The following CCDC172 variants were observed in gnomAD, a reference collection of about 807,000 sequenced individuals.
The protein encoded by CCDC172 is coiled-coil domain containing 172.
A neutral mutation model predicts 38.0 loss-of-function variants in CCDC172; 30 were observed. The ratio of observed to expected loss-of-function variants is 0.79; its 90% confidence interval spans 0.59 to 1.07. CCDC172 has a LOEUF of 1.07. Ranked by LOEUF, CCDC172 falls within the 50% of genes least tolerant of loss-of-function variation. The pLI is 0.00. For synonymous variants in CCDC172, 78 were observed against 88.3 expected (o/e 0.88, Z 0.66); for missense variants, 297 against 290.1 (o/e 1.02, Z -0.17).
downstream of CCDC172, chr10:116,380,029 AC>A (rs1299349014): frequency 6.6e-6 from 1 of 152,058 alleles, no homozygotes; most frequent in Non-Finnish European, 1.5e-5. Flanking sequence ...TTTGTAAATT[AC>A]CCAGTCTCAT....
In CCDC172 at chr10:116,357,928, G is replaced by A; in HGVS notation, c.643G>A (p.Glu215Lys). 1 of 1,564,060 alleles carries A rather than the reference G, an allele frequency of 6.4e-7. No homozygotes were observed. The highest frequency in any genetic ancestry group is 8.7e-7 in the Non-Finnish European group (1 of 1,146,590). ...KISEKPQNDT[E>K]CLRLKKELEL... is the part of the protein sequence containing the mutation. ...CAGTGAAAAGCCTCAAAATGATACA[G>A]AATGCTTAAGGTAAGAGTTTCCTGT... The change falls in exon 7 of 9, where the codon GAA (glutamate) becomes AAA (lysine). Residue 215 changes from glutamate (E) to lysine (K), a missense_variant. Coordinates refer to ENST00000333254, the MANE Select transcript of CCDC172 (RefSeq NM_198515.3).
chr10:116,357,518 A>G lies in CCDC172; in HGVS notation c.550+37A>G, dbSNP rs200711954. 87 of 1,403,172 alleles carry G rather than the reference A, an allele frequency of 6.2e-5. No homozygotes were observed. In the East Asian group the frequency reaches 2.2e-3, roughly 36 times the overall value. The allele number at this position is 1,403,172 out of a possible 1,614,324, so 86.9% of individuals were successfully genotyped here. A position where few individuals can be genotyped will look rare whatever the true frequency, so the allele number is the denominator to read the frequency against. The stretch of plus-strand genomic sequence containing the variant: ...ATGAGTTAGCTTATTTTGCTGATAA[A>G]TATAGTTATATATGCATGATAAGGG... On this transcript the variant is annotated intron_variant, in intron 6 of 8. Transcript: ENST00000333254.
chr10:116,340,851 G>T lies in CCDC172; in HGVS notation c.282+1G>T. On this transcript the variant is annotated splice_donor_variant, in intron 4 of 8. Transcript: ENST00000333254. LOFTEE classifies it high-confidence loss of function. ...TAGGAATATGCTTCTTCAAACCTTT[G>T]TAAGTTTCCAGCCACCTAGAAAAAT... is the stretch of plus-strand genomic sequence containing the variant. 6.9e-7 allele frequency: 1 copy of T among 1,449,208 alleles called. No individual in the cohort carries two copies. Among genetic ancestry groups the T allele is most frequent in the Non-Finnish European group, 9.6e-7 (1 of 1,037,686 alleles). The allele number at this position is 1,449,208 out of a possible 1,614,324, so 89.8% of individuals were successfully genotyped here.
intron 5 of CCDC172, among the ~76,000 whole-genome samples, chr10:116,347,458 A>G (rs1844881268): frequency 6.6e-6 from 1 of 152,154 alleles, no homozygotes; most frequent in South Asian, 2.1e-4. Context: ...CAGAAGGAAG[A>G]GCAGAAATGG....
intron 5 of CCDC172, among the ~76,000 whole-genome samples, chr10:116,344,140 G>A (rs1844835464): frequency 6.6e-6 from 1 of 152,018 alleles, no homozygotes; most frequent in Admixed American, 6.6e-5. Flanking sequence ...GGGAAAGAGG[G>A]GAACAAAAAC....
At chr10:116,366,038 A>T (rs1385396261) in intron 7 of CCDC172, among the ~76,000 whole-genome samples, 1 of 152,178 alleles carries the variant, frequency 6.6e-6, no homozygotes, top group Non-Finnish European at 1.5e-5. Context: ...TTGTTAAACG[A>T]TGTATGACTG....
intron 7 of CCDC172, among the ~76,000 whole-genome samples, chr10:116,359,148 A>T (rs570981298): frequency 6.6e-6 from 1 of 152,198 alleles, no homozygotes; most frequent in African/African-American, 2.4e-5. Flanking sequence ...AGCATGTTTC[A>T]TAAGTTTTCC....
chr10:116,357,545 A>G (rs1845014484), intron 6 of CCDC172, 64 bp downstream of exon 6: 9 of 1,270,110 alleles, frequency 7.1e-6, no homozygotes, highest in Middle Eastern at 4.2e-4. Flanking sequence ...TGATAAGGGC[A>G]TATTATTCTT....
intron 5 of CCDC172, among the ~76,000 whole-genome samples, chr10:116,356,693 G>A (rs1228411617): frequency 6.6e-6 from 1 of 152,124 alleles, no homozygotes; most frequent in Non-Finnish European, 1.5e-5. Flanking sequence ...GAGAATAAAG[G>A]GAGCAAGGGC....
rs750355815 is a variant in CCDC172, at chr10:116,372,191, GT to G, written c.654-6228del. 8.4e-4 allele frequency among the ~76,000 whole-genome samples: 127 copies of G among 151,800 alleles called. 2 individuals are homozygous for G. The highest frequency in any genetic ancestry group is 1.7e-3 in the Non-Finnish European group (115 of 67,932). ...CATAACTTATAGGTAGTTTTATTTG[GT>G]TTTCGTATTGAGAGGTCTTTTTTAC... On this transcript the variant is annotated intron_variant, in intron 7 of 8. Transcript: ENST00000333254.
intron 3 of CCDC172, among the ~76,000 whole-genome samples, chr10:116,335,797 A>G (rs1844722955): frequency 6.6e-6 from 1 of 151,860 alleles, no homozygotes; most frequent in African/African-American, 2.4e-5. Flanking sequence ...TTTGGTATTT[A>G]TTTTGTTACT....
chr10:116,374,984 A>G (rs1300142697), intron 7 of CCDC172, among the ~76,000 whole-genome samples: 2 of 150,488 alleles, frequency 1.3e-5, no homozygotes, highest in African/African-American at 2.4e-5. Context: ...GGTACTGCCT[A>G]TCTTTCATTT....
intron 5 of CCDC172, among the ~76,000 whole-genome samples, chr10:116,354,070 G>A (rs1296832769): frequency 6.6e-6 from 1 of 152,174 alleles, no homozygotes; most frequent in African/African-American, 2.4e-5. Flanking sequence ...TTCAGTCTAT[G>A]AAAGACCATG....
At chr10:116,363,157 C>A (rs1845083984) in intron 7 of CCDC172, among the ~76,000 whole-genome samples, 1 of 151,810 alleles carries the variant, frequency 6.6e-6, no homozygotes, top group Admixed American at 6.6e-5. Flanking sequence ...ATAAATCAAC[C>A]CCTTTTGGTG....
At chr10:116,374,490 GTATA>G (rs60781436) in intron 7 of CCDC172, among the ~76,000 whole-genome samples, 3 of 150,240 alleles carry the variant, frequency 2.0e-5, no homozygotes, top group African/African-American at 7.3e-5. Flanking sequence ...TTTATCATAG[GTATA>G]TATATATATA....
At chr10:116,354,706 G>A (rs1021882795) in intron 5 of CCDC172, among the ~76,000 whole-genome samples, 5 of 152,112 alleles carry the variant, frequency 3.3e-5, no homozygotes, top group African/African-American at 9.7e-5. Context: ...CTCCAGCCTG[G>A]GTGACAGAGC....
chr10:116,359,049 A>G (rs1018793716), intron 7 of CCDC172, among the ~76,000 whole-genome samples: 2 of 152,190 alleles, frequency 1.3e-5, no homozygotes, highest in East Asian at 1.9e-4. Flanking sequence ...TAGTCCATTC[A>G]TTGCATTTTA....
chr10:116,346,248 C>T (rs1215680291), intron 5 of CCDC172, among the ~76,000 whole-genome samples: 3 of 144,784 alleles, frequency 2.1e-5, no homozygotes, highest in East Asian at 2.1e-4. Context: ...GCCAAGATCG[C>T]GCCATTGCAC....
rs577327381 is a variant in CCDC172, at chr10:116,342,832, T to C, written c.448+631T>C. ...TAGCACCTCCTGCTTCTCTCTGTTC[T>C]TCCTGCTCTGGCCATGTAAGATGTT... On this transcript the variant is annotated intron_variant, in intron 5 of 8. Transcript: ENST00000333254. Among the ~76,000 whole-genome samples the C allele has an allele frequency of 2.6e-5, 4 of 152,268 alleles. No individual in the cohort carries two copies. In the East Asian group the frequency reaches 7.7e-4, roughly 29 times the overall value.
Sources: gnomAD v4.1 joint callset for allele counts (sites outside exome capture counted in the v4.1 genomes callset) on GRCh38, gnomAD v4.1.1 for gene constraint, MANE v1.5 for transcripts, NCBI Gene and HGNC (gene_info 2026-07-23, HGNC 2026-07-21) for gene names.